The following SNAI1 variants were observed in gnomAD, a reference collection of about 807,000 sequenced individuals.
SNAI1 encodes the protein zinc finger protein SNAI1.
Under a neutral mutation model 24.7 loss-of-function variants are expected in SNAI1, and 15 were observed. The observed-to-expected ratio is 0.61, with a 90% confidence interval of 0.41 to 0.93. SNAI1 has a LOEUF of 0.93. SNAI1 is among the 40% of genes least tolerant of loss of function. The probability of loss-of-function intolerance (pLI) is 0.00; values close to 1 mark genes in which losing one functional copy is unlikely to be tolerated. For synonymous variants in SNAI1, 163 were observed against 142.9 expected (o/e 1.14, Z -1.00); for missense variants, 283 against 336.7 (o/e 0.84, Z 1.25).
rs2078324561 is a variant in SNAI1, at chr20:49,983,841, C to T, written c.100C>T (p.Pro34Ser). The T allele has an allele frequency of 6.2e-7, 1 of 1,602,076 alleles. No individual in the cohort carries two copies. The highest frequency in any genetic ancestry group is 8.5e-7 in the Non-Finnish European group (1 of 1,174,860). ...TCCCTCAGAGTTTACCTTCCAGCAG[C>T]CCTACGACCAGGCCCACCTGCTGGC... ...DSNPEFTFQQ[P>S]YDQAHLLAAI... The change falls in exon 2 of 3, where the codon CCC (proline) becomes TCC (serine). Residue 34 changes from proline (P) to serine (S), a missense_variant. By Grantham distance (74) the Pro-to-Ser change is moderately conservative. Coordinates refer to ENST00000244050, the MANE Select transcript of SNAI1 (RefSeq NM_005985.4).
chr20:49,987,137 G>T (rs1270504262), intron 2 of SNAI1, among the ~76,000 whole-genome samples: 1 of 152,186 alleles, frequency 6.6e-6, no homozygotes, highest in Non-Finnish European at 1.5e-5. Context: ...ACTCAAAGGA[G>T]GCCCTTGCCC....
rs767308349 is a variant in SNAI1 at position 49,983,048 on chromosome 20, G to T, written c.-12G>T. 20 of 1,611,250 alleles carry T rather than the reference G, an allele frequency of 1.2e-5. No individual in the cohort carries two copies. The highest frequency in any genetic ancestry group is 6.7e-5 in the Admixed American group (4 of 59,902). ...TGCTGCGCGAATCGGCGACCCCAGTGCCTCGACCACTATGCCGCGCTCTTT... is the reference window on the plus strand; with the variant it reads ...TGCTGCGCGAATCGGCGACCCCAGTTCCTCGACCACTATGCCGCGCTCTTT... On this transcript the variant is annotated 5_prime_UTR_variant, in exon 1 of 3. Transcript: ENST00000244050.
Position 49,987,979 on chromosome 20 carries a change from G to C in SNAI1, c.718G>C (p.Ala240Pro). The change falls in exon 3 of 3, where the codon GCG (alanine) becomes CCG (proline). Residue 240 changes from alanine to proline, a missense_variant. Physicochemically the swap from Ala to Pro is conservative, Grantham distance 27. Transcript: ENST00000244050. ...AGATGTCAAGAAGTACCAGTGCCAGGCGTGTGCTCGGACCTTCTCCCGAAT... is the reference window on the plus strand; with the variant it reads ...AGATGTCAAGAAGTACCAGTGCCAGCCGTGTGCTCGGACCTTCTCCCGAAT... Reference protein sequence around the residue: ...HSDVKKYQCQACARTFSRMSL... With the variant: ...HSDVKKYQCQPCARTFSRMSL... The C allele has an allele frequency of 6.2e-7, 1 of 1,614,028 alleles. No homozygotes were observed. Among genetic ancestry groups the C allele is most frequent in the South Asian group, 1.1e-5 (1 of 91,072 alleles).
rs773080496 is a variant in SNAI1 at position 49,984,000 on chromosome 20, G to A, written c.259G>A (p.Glu87Lys). 1.2e-6 allele frequency: 2 copies of A among 1,613,526 alleles called. No individual in the cohort carries two copies. The highest frequency in any genetic ancestry group is 1.1e-5 in the South Asian group (1 of 91,020). ...LRLQESPRVA[E>K]LTSLSDEDSG... Reference sequence around the variant, plus strand: ...GCTCCAGGAGAGTCCCAGGGTGGCAGAGCTGACCTCCCTGTCAGATGAGGA... The same window carrying A: ...GCTCCAGGAGAGTCCCAGGGTGGCAAAGCTGACCTCCCTGTCAGATGAGGA... The change falls in exon 2 of 3, where the codon GAG becomes AAG. Residue 87 changes from glutamate (E) to lysine (K), a missense_variant. By Grantham distance (56) the Glu-to-Lys change is moderately conservative (BLOSUM62 1). Transcript: ENST00000244050.
At chr20:49,985,089 C>A (rs1441849629) in intron 2 of SNAI1, among the ~76,000 whole-genome samples, 1 of 152,126 alleles carries the variant, frequency 6.6e-6, no homozygotes, top group African/African-American at 2.4e-5. Flanking sequence ...GCTTCCCCAC[C>A]CCCACTGAAT....
At chr20:49,987,780 C>T in intron 2 of SNAI1, 92 bp from the exon 3 acceptor site, 1 of 1,218,852 alleles carries the variant, frequency 8.2e-7, no homozygotes, top group Admixed American at 1.8e-5. Context: ...TCATGGGATT[C>T]TTTCAGGGTT....
intron 2 of SNAI1, among the ~76,000 whole-genome samples, chr20:49,987,613 G>T (rs529766757): frequency 3.3e-5 from 5 of 152,270 alleles, no homozygotes; most frequent in East Asian, 3.9e-4. Flanking sequence ...CCCTATGAGT[G>T]GGGGGTGAAT....
rs2078321878 is a variant in SNAI1, at chr20:49,983,087, C to T, written c.28C>T (p.Pro10Ser). The change falls in exon 1 of 3, where the codon CCC (proline) becomes TCC (serine). Residue 10 changes from proline to serine, a missense_variant. By Grantham distance (74) the Pro-to-Ser change is moderately conservative. Transcript: ENST00000244050. ...GCCGCGCTCTTTCCTCGTCAGGAAG[C>T]CCTCCGACCCCAATCGGAAGCCTAA... MPRSFLVRKPSDPNRKPNYS... is the reference protein window; with the variant it reads MPRSFLVRKSSDPNRKPNYS... 6 of 1,613,708 alleles carry T rather than the reference C, an allele frequency of 3.7e-6. No individual in the cohort carries two copies. The highest frequency in any genetic ancestry group is 1.1e-5 in the South Asian group (1 of 91,072).
intron 2 of SNAI1, among the ~76,000 whole-genome samples, chr20:49,987,314 C>T (rs1326023498): frequency 6.6e-6 from 1 of 152,154 alleles, no homozygotes; most frequent in African/African-American, 2.4e-5. Flanking sequence ...CTTTGGCCCC[C>T]AACAGAGTAA....
At position 49,983,965 on chromosome 20, in the gene SNAI1, C is replaced by T. The variant is rs745898044; in HGVS notation, c.224C>T (p.Ala75Val). 1 of 1,613,752 alleles carries T rather than the reference C, an allele frequency of 6.2e-7. No homozygotes were observed. Among genetic ancestry groups the T allele is most frequent in the East Asian group, 2.2e-5 (1 of 44,860 alleles). Residue 75 changes from alanine to valine, a missense_variant, in exon 2 of 3, where the codon GCC becomes GTC. Transcript: ENST00000244050. Reference protein sequence around the residue: ...LAPQAQPIAWASLRLQESPRV... With the variant: ...LAPQAQPIAWVSLRLQESPRV... ...CCCCAAGCCCAGCCAATTGCCTGGG[C>T]CTCCCTTCGGCTCCAGGAGAGTCCC...
chr20:49,984,262 G>A lies in SNAI1; in HGVS notation c.521G>A (p.Arg174Gln), dbSNP rs1260566958. 2.5e-6 allele frequency: 4 copies of A among 1,614,130 alleles called. No individual in the cohort carries two copies. The highest frequency in any genetic ancestry group is 1.7e-5 in the Admixed American group (1 of 60,014). The part of the protein sequence containing the change: ...LSLGALKMHI[R>Q]SHTLPCVCGT... ...CTGGGTGCCCTCAAGATGCACATCC[G>A]AAGCCACACGCTGCCCTGCGTCTGC... The change falls in exon 2 of 3, where the codon CGA (arginine) becomes CAA (glutamine). Residue 174 changes from arginine to glutamine, a missense_variant. Arg to Gln is a conservative substitution (Grantham distance 43). Coordinates refer to ENST00000244050, the MANE Select transcript of SNAI1 (RefSeq NM_005985.4).
Position 49,983,849 on chromosome 20 carries a change from C to T in SNAI1, c.108C>T (p.Asp36=), listed in dbSNP as rs756697199. The T allele has an allele frequency of 6.2e-7, 1 of 1,607,280 alleles. No homozygotes were observed. The highest frequency in any genetic ancestry group is 1.1e-5 in the South Asian group (1 of 90,520). ...NPEFTFQQPY[D]QAHLLAAIPP... Reference sequence around the variant, plus strand: ...AGTTTACCTTCCAGCAGCCCTACGACCAGGCCCACCTGCTGGCAGCCATCC... The same window carrying T: ...AGTTTACCTTCCAGCAGCCCTACGATCAGGCCCACCTGCTGGCAGCCATCC... Residue 36 remains aspartate, a synonymous_variant, in exon 2 of 3, where the codon GAC becomes GAT. Transcript: ENST00000244050.
rs1279601746 is a variant in SNAI1, at chr20:49,983,817, C to T, written c.83-7C>T. On this transcript the variant is annotated splice_polypyrimidine_tract_variant and splice_region_variant and intron_variant, in intron 1 of 2. Transcript: ENST00000244050. ...ATTAACGCCTGACTCTGCTTTTTCT[C>T]CCTCAGAGTTTACCTTCCAGCAGCC... 1.9e-6 allele frequency: 3 copies of T among 1,572,510 alleles called. No homozygotes were observed. The highest frequency in any genetic ancestry group is 1.4e-5 in the African/African-American group (1 of 73,532).
chr20:49,984,020 T>C lies in SNAI1; in HGVS notation c.279T>C (p.Asp93=), dbSNP rs4647959. ...PRVAELTSLS[D]EDSGKGSQPP... ...TGGCAGAGCTGACCTCCCTGTCAGA[T>C]GAGGACAGTGGGAAAGGCTCCCAGC... Residue 93 remains aspartate, a synonymous_variant, in exon 2 of 3, where the codon GAT becomes GAC. Transcript: ENST00000244050. The C allele has an allele frequency of 0.15, 248,958 of 1,613,134 alleles. 30,203 individuals are homozygous for C. Among genetic ancestry groups the C allele is most frequent in the African/African-American group, 0.65 (48,379 of 74,882 alleles).
In SNAI1 at chr20:49,984,212, A is replaced by G. The variant is rs2078326886; in HGVS notation, c.471A>G (p.Lys157=). The G allele has an allele frequency of 3.1e-6, 5 of 1,614,078 alleles. No homozygotes were observed. The highest frequency in any genetic ancestry group is 4.2e-6 in the Non-Finnish European group (5 of 1,180,042). Residue 157 remains lysine (K), a synonymous_variant, in exon 2 of 3, where the codon AAA becomes AAG. Coordinates refer to ENST00000244050, the MANE Select transcript of SNAI1 (RefSeq NM_005985.4). ...AGGCTCGAAAGGCCTTCAACTGCAA[A>G]TACTGCAACAAGGAATACCTCAGCC... ...DLQARKAFNC[K]YCNKEYLSLG... is the part of the protein sequence containing the mutation.
At chr20:49,987,200 G>A (rs1325756739) in intron 2 of SNAI1, among the ~76,000 whole-genome samples, 7 of 152,092 alleles carry the variant, frequency 4.6e-5, no homozygotes, top group Non-Finnish European at 7.4e-5. Flanking sequence ...GGATTACAGC[G>A]CAGGAGGTGG....
chr20:49,985,246 G>A (rs1461808326), intron 2 of SNAI1, among the ~76,000 whole-genome samples: 1 of 152,188 alleles, frequency 6.6e-6, no homozygotes, highest in Non-Finnish European at 1.5e-5. Flanking sequence ...CACTGTGCCT[G>A]GAGCTGCTCT....
In SNAI1 at chr20:49,983,842, C is replaced by T. The variant is rs754616561; in HGVS notation, c.101C>T (p.Pro34Leu). ...CCCTCAGAGTTTACCTTCCAGCAGCCCTACGACCAGGCCCACCTGCTGGCA... is the reference window on the plus strand; with the variant it reads ...CCCTCAGAGTTTACCTTCCAGCAGCTCTACGACCAGGCCCACCTGCTGGCA... Reference protein sequence around the residue: ...DSNPEFTFQQPYDQAHLLAAI... With the variant: ...DSNPEFTFQQLYDQAHLLAAI... Residue 34 changes from proline (P) to leucine (L), a missense_variant, in exon 2 of 3, where the codon CCC (proline) becomes CTC (leucine). Physicochemically the swap from Pro to Leu is moderately conservative, Grantham distance 98. Transcript: ENST00000244050. The T allele has an allele frequency of 6.2e-7, 1 of 1,604,242 alleles. No individual in the cohort carries two copies. The highest frequency in any genetic ancestry group is 2.2e-5 in the East Asian group (1 of 44,732).
Position 49,984,085 on chromosome 20 carries a change from C to G in SNAI1, c.344C>G (p.Ser115Cys). 2.5e-6 allele frequency: 4 copies of G among 1,614,222 alleles called. No individual in the cohort carries two copies. Among genetic ancestry groups the G allele is most frequent in the Non-Finnish European group, 2.5e-6 (3 of 1,180,036 alleles). Residue 115 changes from serine to cysteine, a missense_variant, in exon 2 of 3, where the codon TCT (serine) becomes TGT (cysteine). Transcript: ENST00000244050. ...PPSPAPSSFS[S>C]TSVSSLEAEA... is the part of the protein sequence containing the mutation. The stretch of plus-strand genomic sequence containing the variant: ...TCACCGGCTCCTTCGTCCTTCTCCT[C>G]TACTTCAGTCTCTTCCTTGGAGGCC...
Sources: gnomAD v4.1 joint callset for allele counts (sites outside exome capture counted in the v4.1 genomes callset) on GRCh38, gnomAD v4.1.1 for gene constraint, MANE v1.5 for transcripts, NCBI Gene and HGNC (gene_info 2026-07-23, HGNC 2026-07-21) for gene names.